TUNAR: variants seen among roughly 807,000 people sequenced by gnomAD.
The protein encoded by TUNAR is transmembrane neural differentiation associated intracellular calcium regulator.
intron 2 of TUNAR, among the ~76,000 whole-genome samples, chr14:95,914,130 G>C (rs1044318598): frequency 6.6e-6 from 1 of 152,164 alleles, no homozygotes; most frequent in Non-Finnish European, 1.5e-5. Flanking sequence ...TGAACTAGTT[G>C]GTATTAAGCT....
intron 2 of TUNAR, among the ~76,000 whole-genome samples, chr14:95,916,566 G>A (rs1483152441): frequency 6.6e-6 from 1 of 152,208 alleles, no homozygotes; most frequent in Non-Finnish European, 1.5e-5. Flanking sequence ...TGCTTATGCT[G>A]ACATTGCTGT....
chr14:95,889,114 A>T (rs1224768856), intron 2 of TUNAR, among the ~76,000 whole-genome samples: 1 of 152,064 alleles, frequency 6.6e-6, no homozygotes, highest in Non-Finnish European at 1.5e-5. Flanking sequence ...AGAGGCCTTT[A>T]TACCAACCCT....
chr14:95,900,110 C>T (rs1048974518), intron 2 of TUNAR, among the ~76,000 whole-genome samples: 6 of 151,986 alleles, frequency 3.9e-5, no homozygotes, highest in Non-Finnish European at 8.8e-5. Flanking sequence ...CTTTTTTTCC[C>T]CCATTTATTC....
At chr14:95,917,965 C>G (rs1889633005) in intron 2 of TUNAR, among the ~76,000 whole-genome samples, 2 of 152,016 alleles carry the variant, frequency 1.3e-5, no homozygotes, top group Non-Finnish European at 2.9e-5. Flanking sequence ...CCAATCCCCA[C>G]TTCCCCCTCC....
At chr14:95,878,958 CACAA>C (rs748146235) in intron 2 of TUNAR, among the ~76,000 whole-genome samples, 45 of 152,248 alleles carry the variant, frequency 3.0e-4, no homozygotes, top group Middle Eastern at 3.4e-3. Context: ...ACATTCCCAG[CACAA>C]ACAATTACTG....
chr14:95,920,657 C>T (rs77058638), intron 2 of TUNAR, among the ~76,000 whole-genome samples: 3,545 of 152,228 alleles, frequency 0.023, 151 homozygotes, highest in African/African-American at 0.079. Context: ...TCCTGTCCTC[C>T]GGATCCAGAG....
At chr14:95,883,496 G>A (rs1889015267) in intron 2 of TUNAR, among the ~76,000 whole-genome samples, 1 of 152,252 alleles carries the variant, frequency 6.6e-6, no homozygotes, top group Non-Finnish European at 1.5e-5. Context: ...GCACTGCTAG[G>A]CATTGAGGCT....
intron 2 of TUNAR, among the ~76,000 whole-genome samples, chr14:95,877,798 C>G (rs571116552): frequency 6.6e-6 from 1 of 152,340 alleles, no homozygotes; most frequent in South Asian, 2.1e-4. Context: ...AAATAAATTG[C>G]CTGTAGCAAG....
rs1313253412 is a variant in TUNAR at position 95,880,663 on chromosome 14, C to G, written c.12+3486C>G. On this transcript the variant is annotated intron_variant, in intron 2 of 2. Transcript: ENST00000678517. ...GTATGTAATTTGAAAATGGAGAGTA[C>G]TTTAGTTAGAGCCTTGAACTCAGCT... Among the ~76,000 whole-genome samples the G allele has an allele frequency of 2.0e-5, 3 of 152,122 alleles. 1 individual carries two copies. The South Asian group carries it at 6.2e-4, about 32-fold the overall frequency.
intron 2 of TUNAR, among the ~76,000 whole-genome samples, chr14:95,919,298 A>G (rs890762980): frequency 5.9e-5 from 9 of 152,352 alleles, no homozygotes; most frequent in South Asian, 2.1e-4. Flanking sequence ...TCTTCTAGGT[A>G]TGTATGTAGT....
intron 2 of TUNAR, among the ~76,000 whole-genome samples, chr14:95,892,498 C>T (rs1459080606): frequency 6.6e-6 from 1 of 152,248 alleles, no homozygotes; most frequent in Non-Finnish European, 1.5e-5. Flanking sequence ...TGGTGCATTA[C>T]TGGGTCAGGG....
At chr14:95,908,439 C>T (rs1005944786) in intron 2 of TUNAR, among the ~76,000 whole-genome samples, 1 of 152,326 alleles carries the variant, frequency 6.6e-6, no homozygotes, top group South Asian at 2.1e-4. Flanking sequence ...AGGCAAAGTG[C>T]GTCCTCCCAT....
At chr14:95,897,382 C>T (rs1339217823) in intron 2 of TUNAR, among the ~76,000 whole-genome samples, 1 of 152,166 alleles carries the variant, frequency 6.6e-6, no homozygotes, top group Non-Finnish European at 1.5e-5. Flanking sequence ...CATTTTTCTC[C>T]AGCACCCTTG....
chr14:95,898,273 T>A (rs552559134), intron 2 of TUNAR, among the ~76,000 whole-genome samples: 85 of 152,336 alleles, frequency 5.6e-4, no homozygotes, highest in African/African-American at 1.9e-3. Context: ...GTAGATTATT[T>A]ATTCTCTATT....
chr14:95,893,753 C>T (rs1889216493), intron 2 of TUNAR, among the ~76,000 whole-genome samples: 1 of 152,348 alleles, frequency 6.6e-6, no homozygotes, highest in African/African-American at 2.4e-5. Context: ...TGCCCAGGCT[C>T]CTCACTTTGT....
chr14:95,922,209 A>C (rs1274293924), intron 2 of TUNAR, among the ~76,000 whole-genome samples: 1 of 152,162 alleles, frequency 6.6e-6, no homozygotes, highest in Non-Finnish European at 1.5e-5. Flanking sequence ...GGATTATGAG[A>C]ATTTCTCATG....
At chr14:95,886,332 G>A (rs1889075176) in intron 2 of TUNAR, among the ~76,000 whole-genome samples, 1 of 152,270 alleles carries the variant, frequency 6.6e-6, no homozygotes, top group African/African-American at 2.4e-5. Context: ...AGCAGGGCCA[G>A]TGACTTTTGC....
At chr14:95,922,126 T>A (rs1355596390) in intron 2 of TUNAR, among the ~76,000 whole-genome samples, 2 of 152,212 alleles carry the variant, frequency 1.3e-5, no homozygotes, top group East Asian at 3.9e-4. Flanking sequence ...AGTGGTAGAA[T>A]ATGTCTGTTC....
chr14:95,883,069 C>T (rs577913903), intron 2 of TUNAR, among the ~76,000 whole-genome samples: 5 of 152,246 alleles, frequency 3.3e-5, no homozygotes, highest in African/African-American at 9.6e-5. Context: ...TAAAACAGTA[C>T]GTCCAGTTTT....
Sources: gnomAD v4.1 joint callset for allele counts (sites outside exome capture counted in the v4.1 genomes callset) on GRCh38, gnomAD v4.1.1 for gene constraint, MANE v1.5 for transcripts, NCBI Gene and HGNC (gene_info 2026-07-23, HGNC 2026-07-21) for gene names.